CCSER1: variants seen among roughly 807,000 people sequenced by gnomAD.
The protein encoded by CCSER1 is serine-rich coiled-coil domain-containing protein 1.
Under a neutral mutation model 82.0 loss-of-function variants are expected in CCSER1, and 41 were observed. That is an observed-to-expected ratio of 0.50 (90% CI 0.39 to 0.65). The LOEUF (loss-of-function observed/expected upper bound fraction) is 0.65. Ranked by LOEUF, CCSER1 falls within the 30% of genes least tolerant of loss-of-function variation. The pLI is 0.00. For missense variants in CCSER1, 1,119 were observed against 1,064.2 expected (o/e 1.05, Z -0.72); for synonymous variants, 414 against 383.9 (o/e 1.08, Z -0.92).
At chr4:90,241,057 C>A (rs1301772969) in intron 1 of CCSER1, among the ~76,000 whole-genome samples, 1 of 152,168 alleles carries the variant, frequency 6.6e-6, no homozygotes, top group Non-Finnish European at 1.5e-5. Context: ...TGTTTAGCCC[C>A]AGAGTGTGCA....
intron 10 of CCSER1, among the ~76,000 whole-genome samples, chr4:91,257,279 A>G (rs1218995395): frequency 6.6e-6 from 1 of 152,180 alleles, no homozygotes; most frequent in Non-Finnish European, 1.5e-5. Context: ...GTAGTCCACT[A>G]ACAAAGTAAA....
At chr4:91,050,229 G>A (rs929261007) in intron 9 of CCSER1, among the ~76,000 whole-genome samples, 2 of 152,074 alleles carry the variant, frequency 1.3e-5, no homozygotes, top group Non-Finnish European at 2.9e-5. Flanking sequence ...TCAGGAGTTC[G>A]AAGTCAGCCT....
chr4:90,400,728 T>C (rs576173768), intron 4 of CCSER1, among the ~76,000 whole-genome samples: 3 of 152,344 alleles, frequency 2.0e-5, no homozygotes, highest in East Asian at 3.9e-4. Context: ...TATTAAAGCA[T>C]AAAATATTAT....
At chr4:91,114,074 G>A (rs140600491) in intron 10 of CCSER1, among the ~76,000 whole-genome samples, 1,769 of 152,158 alleles carry the variant, frequency 0.012, 36 homozygotes, top group African/African-American at 0.04. Context: ...GGATGGTCTC[G>A]ATCTCCTGAC....
chr4:90,581,044 T>A (rs920269115), intron 5 of CCSER1, among the ~76,000 whole-genome samples: 1 of 152,168 alleles, frequency 6.6e-6, no homozygotes, highest in African/African-American at 2.4e-5. Flanking sequence ...AAAAACTGCT[T>A]GAATTTCTAA....
intron 9 of CCSER1, among the ~76,000 whole-genome samples, chr4:91,011,055 A>G (rs12374338): frequency 0.29 from 38,829 of 133,074 alleles, 13,292 homozygotes; most frequent in Non-Finnish European, 0.46. Flanking sequence ...AATTTTACTG[A>G]GTGGCTTTTG....
intron 8 of CCSER1, among the ~76,000 whole-genome samples, chr4:90,831,495 G>A (rs535483296): frequency 6.6e-6 from 1 of 152,210 alleles, no homozygotes; most frequent in South Asian, 2.1e-4. Flanking sequence ...AACCTGCTAG[G>A]AAGATGAGAA....
intron 10 of CCSER1, among the ~76,000 whole-genome samples, chr4:91,173,025 A>G (rs1352347299): frequency 6.6e-6 from 1 of 152,122 alleles, no homozygotes; most frequent in Non-Finnish European, 1.5e-5. Flanking sequence ...CTATTGAAAA[A>G]CCATAGTGAT....
chr4:90,865,427 A>G (rs1765610322), intron 8 of CCSER1, among the ~76,000 whole-genome samples: 1 of 152,088 alleles, frequency 6.6e-6, no homozygotes, highest in Admixed American at 6.6e-5. Flanking sequence ...TTGAACACTA[A>G]TCCCTACTAA....
intron 8 of CCSER1, among the ~76,000 whole-genome samples, chr4:90,882,040 A>G (rs1333473953): frequency 6.6e-6 from 1 of 152,112 alleles, no homozygotes; most frequent in African/African-American, 2.4e-5. Flanking sequence ...AGAATAGAAA[A>G]TTAGAAATTT....
chr4:91,223,590 C>T (rs2149103645), intron 10 of CCSER1, among the ~76,000 whole-genome samples: 1 of 151,940 alleles, frequency 6.6e-6, no homozygotes, highest in Non-Finnish European at 1.5e-5. Flanking sequence ...AGATAATTTG[C>T]AAGGTGAAAA....
intron 9 of CCSER1, among the ~76,000 whole-genome samples, chr4:90,976,432 T>C (rs1232296673): frequency 2.6e-5 from 4 of 151,178 alleles, no homozygotes; most frequent in Non-Finnish European, 5.9e-5. Context: ...TCAAATGACA[T>C]ATTTTGCTGT....
At chr4:91,226,591 T>C (rs62311971) in intron 10 of CCSER1, among the ~76,000 whole-genome samples, 5,670 of 151,946 alleles carry the variant, frequency 0.037, 175 homozygotes, top group African/African-American at 0.079. Flanking sequence ...TTTAATGGAA[T>C]CGTATATGCT....
In CCSER1 at chr4:90,308,592, T is replaced by G. The variant is rs1445948540; in HGVS notation, c.308T>G (p.Leu103Arg). ...CCTGGTCACAGCAATATGCAGAAAC[T>G]GAGTTTGGAAGAACATATTAAGACC... ...AQPGHSNMQK[L>R]SLEEHIKTRG... The change falls in exon 2 of 11, where the codon CTG (leucine) becomes CGG (arginine). Residue 103 changes from leucine to arginine, a missense_variant. Transcript: ENST00000509176. 3 of 1,613,838 alleles carry G rather than the reference T, an allele frequency of 1.9e-6. No homozygotes were observed. In the African/African-American group the frequency reaches 4.0e-5, roughly 22 times the overall value.
chr4:91,509,285 T>C (rs1001727475), intron 10 of CCSER1, among the ~76,000 whole-genome samples: 1 of 152,080 alleles, frequency 6.6e-6, no homozygotes, highest in Non-Finnish European at 1.5e-5. Context: ...TTTTGGTTCA[T>C]TGTATTTTCA....
chr4:90,213,388 T>C (rs989459907), intron 1 of CCSER1, among the ~76,000 whole-genome samples: 2 of 152,240 alleles, frequency 1.3e-5, no homozygotes, highest in Non-Finnish European at 1.5e-5. Context: ...GAGATGTCTA[T>C]TGGACATCTA....
At chr4:90,671,310 T>C (rs1438146081) in intron 6 of CCSER1, among the ~76,000 whole-genome samples, 1 of 152,050 alleles carries the variant, frequency 6.6e-6, no homozygotes, top group Non-Finnish European at 1.5e-5. Flanking sequence ...TTACCCAGAG[T>C]AGAACTTTGA....
chr4:90,253,566 G>A (rs535762972), intron 1 of CCSER1, among the ~76,000 whole-genome samples: 1 of 151,952 alleles, frequency 6.6e-6, no homozygotes, highest in African/African-American at 2.4e-5. Flanking sequence ...ATTGTTATTG[G>A]GGTTCCTTAA....
chr4:90,811,091 G>A (rs527543522), intron 7 of CCSER1, among the ~76,000 whole-genome samples: 7 of 152,026 alleles, frequency 4.6e-5, no homozygotes, highest in African/African-American at 1.2e-4. Context: ...CGCCCGCGTC[G>A]GCCTTCCAAA....
Sources: allele counts gnomAD v4.1 joint callset (sites outside exome capture counted in the v4.1 genomes callset), GRCh38; gene constraint gnomAD v4.1.1; transcripts MANE v1.5; gene names NCBI Gene and HGNC (gene_info 2026-07-23, HGNC 2026-07-21).